Variants in CTXND2 observed in about 807,000 individuals in gnomAD.
CTXND2 encodes cortexin domain containing 2.
intron 1 of CTXND2, among the ~76,000 whole-genome samples, chr1:150,889,589 T>C (rs754302665): frequency 6.6e-6 from 1 of 151,994 alleles, no homozygotes; most frequent in Non-Finnish European, 1.5e-5. Flanking sequence ...TTCCTTTCTG[T>C]TACTCACTGT....
chr1:150,890,920 G>A lies in CTXND2; in HGVS notation c.-74+3607G>A, dbSNP rs1668842444. On this transcript the variant is annotated intron_variant, in intron 1 of 1. Coordinates refer to ENST00000636087, the Ensembl canonical transcript of CTXND2. ...GTCTCCATCACTATTCCTTTATTTG[G>A]AGTGCTCTTTTCTTGTTCCAAATAG... Among the ~76,000 whole-genome samples, 3 of 151,998 alleles carry A rather than the reference G, an allele frequency of 2.0e-5. No individual in the cohort carries two copies. The South Asian group carries it at 6.2e-4, about 32-fold the overall frequency.
At chr1:150,905,148 T>C (rs1669116267) in intron 1 of CTXND2, among the ~76,000 whole-genome samples, 1 of 150,298 alleles carries the variant, frequency 6.7e-6, no homozygotes, top group Non-Finnish European at 1.5e-5. Context: ...CAATTCTTTT[T>C]TTTTTTTTTT....
At chr1:150,902,215 C>G (rs1019985067) in intron 1 of CTXND2, among the ~76,000 whole-genome samples, 2 of 152,038 alleles carry the variant, frequency 1.3e-5, no homozygotes, top group Non-Finnish European at 2.9e-5. Context: ...TCCTGGATAA[C>G]ACAGTGAAAC....
chr1:150,905,983 C>A (rs1218860067), intron 1 of CTXND2, among the ~76,000 whole-genome samples: 4 of 150,560 alleles, frequency 2.7e-5, no homozygotes, highest in African/African-American at 9.8e-5. Flanking sequence ...GAGCGAGACT[C>A]CATCTCAAAA....
intron 1 of CTXND2, among the ~76,000 whole-genome samples, chr1:150,889,242 T>C (rs587707657): frequency 3.3e-5 from 5 of 151,854 alleles, no homozygotes; most frequent in African/African-American, 9.6e-5. Context: ...ACCCCGTCTC[T>C]ACAAAAACTT....
intron 1 of CTXND2, among the ~76,000 whole-genome samples, chr1:150,901,130 AGAAT>A (rs1159444262): frequency 2.0e-5 from 3 of 152,198 alleles, no homozygotes; most frequent in African/African-American, 7.2e-5. Context: ...ACAAACAGAA[AGAAT>A]GAAAACAATC....
chr1:150,910,283 C>T (rs771001486), intron 1 of CTXND2, among the ~76,000 whole-genome samples: 3 of 151,540 alleles, frequency 2.0e-5, no homozygotes, highest in Non-Finnish European at 4.4e-5. Flanking sequence ...GTGTGTGCTA[C>T]CACACCCAGC....
chr1:150,894,589 G>A (rs758192442), intron 1 of CTXND2, among the ~76,000 whole-genome samples: 6 of 151,862 alleles, frequency 4.0e-5, no homozygotes, highest in African/African-American at 1.2e-4. Context: ...TTTATTTAGC[G>A]GGTACAAGTG....
At chr1:150,901,111 CAG>C (rs1669018116) in intron 1 of CTXND2, among the ~76,000 whole-genome samples, 1 of 151,844 alleles carries the variant, frequency 6.6e-6, no homozygotes, top group Non-Finnish European at 1.5e-5. Flanking sequence ...GACCCTGTCT[CAG>C]AAAAACACAA....
chr1:150,899,435 T>C (rs1413664093), intron 1 of CTXND2, among the ~76,000 whole-genome samples: 1 of 152,060 alleles, frequency 6.6e-6, no homozygotes, highest in Non-Finnish European at 1.5e-5. Context: ...ACTCTATCTG[T>C]ATTTTTAAAA....
chr1:150,901,750 T>A (rs2102599732), intron 1 of CTXND2, among the ~76,000 whole-genome samples: 1 of 150,570 alleles, frequency 6.6e-6, no homozygotes, highest in Admixed American at 6.7e-5. Flanking sequence ...GTGTGTCTAC[T>A]TAAAATACAA....
chr1:150,905,822 T>C (rs976357306), intron 1 of CTXND2, among the ~76,000 whole-genome samples: 1 of 150,940 alleles, frequency 6.6e-6, no homozygotes, highest in African/African-American at 2.4e-5. Context: ...AACCCCATCT[T>C]TACTAAAAAT....
intron 1 of CTXND2, among the ~76,000 whole-genome samples, chr1:150,891,191 AT>A (rs1668845252): frequency 6.6e-6 from 1 of 150,748 alleles, no homozygotes; most frequent in African/African-American, 2.4e-5. Flanking sequence ...ATTCCTGCCT[AT>A]CTGATATTTC....
rs191765368 is a variant in CTXND2, at chr1:150,900,507, C to T, written c.-73-11735C>T. On this transcript the variant is annotated intron_variant, in intron 1 of 1. Coordinates refer to ENST00000636087, the Ensembl canonical transcript of CTXND2. ...GAACTCACTGGAAGGAACCAATTCT[C>T]GACACAATGGTAGGCACCTGTAATC... Among the ~76,000 whole-genome samples, 15 of 152,206 alleles carry T rather than the reference C, an allele frequency of 9.9e-5. No individual in the cohort carries two copies. The East Asian group carries it at 1.4e-3, about 14-fold the overall frequency.
chr1:150,898,288 T>C (rs587729245), intron 1 of CTXND2, among the ~76,000 whole-genome samples: 2 of 152,272 alleles, frequency 1.3e-5, no homozygotes, highest in Admixed American at 1.3e-4. Context: ...TTCTTCCCAT[T>C]GGACTTTACA....
At chr1:150,907,327 C>A (rs961974243) in intron 1 of CTXND2, among the ~76,000 whole-genome samples, 6 of 152,138 alleles carry the variant, frequency 3.9e-5, no homozygotes, top group Non-Finnish European at 8.8e-5. Context: ...TTAACTTTCA[C>A]CCCCTCATCC....
At chr1:150,910,692 C>T (rs921455749) in intron 1 of CTXND2, among the ~76,000 whole-genome samples, 8 of 150,086 alleles carry the variant, frequency 5.3e-5, no homozygotes, top group Non-Finnish European at 1.2e-4. Flanking sequence ...AGTGCAGTAG[C>T]ATGCTCTCGG....
chr1:150,909,397 A>G (rs760323657), intron 1 of CTXND2, among the ~76,000 whole-genome samples: 2 of 151,772 alleles, frequency 1.3e-5, no homozygotes, highest in Non-Finnish European at 2.9e-5. Context: ...AAACAAACAA[A>G]CAAAAAACAA....
At chr1:150,898,512 C>T (rs1224430160) in intron 1 of CTXND2, among the ~76,000 whole-genome samples, 2 of 151,912 alleles carry the variant, frequency 1.3e-5, no homozygotes, top group East Asian at 1.9e-4. Context: ...AATCCCAGCA[C>T]GTTGGGAGGT....
Sources: gnomAD v4.1 joint callset for allele counts (sites outside exome capture counted in the v4.1 genomes callset) on GRCh38, gnomAD v4.1.1 for gene constraint, MANE v1.5 for transcripts, NCBI Gene and HGNC (gene_info 2026-07-23, HGNC 2026-07-21) for gene names.